NSD1: variants seen among roughly 807,000 people sequenced by gnomAD.
NSD1 encodes the protein histone-lysine N-methyltransferase, H3 lysine-36 specific.
In NSD1, 26 loss-of-function variants were observed where a neutral mutation model predicts 242.7. The observed-to-expected ratio is 0.11, with a 90% CI of 0.08 to 0.15. The LOEUF (loss-of-function observed/expected upper bound fraction) is 0.15. NSD1 is among the 10% of genes least tolerant of loss of function. NSD1 has a pLI of 1.00. For missense variants in NSD1, 2,495 were observed against 3,272.8 expected (o/e 0.76, Z 5.80); for synonymous variants, 1,106 against 1,178.1 (o/e 0.94, Z 1.25).
chr5:177,242,265 T>A (rs775676140), intron 8 of NSD1, among the ~76,000 whole-genome samples: 1 of 152,186 alleles, frequency 6.6e-6, no homozygotes, highest in African/African-American at 2.4e-5. Context: ...ATAAAATGAT[T>A]GCTATTTTAA....
intron 3 of NSD1, among the ~76,000 whole-genome samples, chr5:177,196,898 A>T (rs1762139030): frequency 6.6e-6 from 1 of 152,236 alleles, no homozygotes; most frequent in African/African-American, 2.4e-5. Flanking sequence ...GGATGCCTGA[A>T]ACTGGATAGT....
intron 3 of NSD1, among the ~76,000 whole-genome samples, chr5:177,203,484 A>G (rs1253613981): frequency 2.0e-5 from 3 of 152,174 alleles, no homozygotes; most frequent in South Asian, 4.1e-4. Flanking sequence ...TTCTTTGCAA[A>G]ACCAGTGTTT....
chr5:177,269,171 C>T lies in NSD1; in HGVS notation c.5304-431C>T, dbSNP rs1438797752. 6.6e-6 allele frequency among the ~76,000 whole-genome samples: 1 copy of T among 152,068 alleles called. No individual in the cohort carries two copies. The highest frequency in any genetic ancestry group is 2.4e-5 in the African/African-American group (1 of 41,382). ...TTGGTGCTGTTCTCCCATATTCCTA[C>T]TAATTATTGAAGGTTTCCTTTTTAA... is the stretch of plus-strand genomic sequence containing the variant. On this transcript the variant is annotated intron_variant, in intron 15 of 22. Transcript: ENST00000439151. This position sits in a 1 kb window ranked among gnomAD's most constrained non-coding sequence, Gnocchi z 5.1.
intron 2 of NSD1, among the ~76,000 whole-genome samples, chr5:177,158,997 T>A (rs1562132058): frequency 1.4e-4 from 9 of 63,298 alleles, no homozygotes; most frequent in African/African-American, 1.1e-3. Flanking sequence ...TATGAATGAT[T>A]TTATATATAT....
At chr5:177,252,825 G>A (rs570528880) in intron 12 of NSD1, among the ~76,000 whole-genome samples, 1 of 140,490 alleles carries the variant, frequency 7.1e-6, no homozygotes, top group South Asian at 2.2e-4. Context: ...TTAGCATGAT[G>A]TGTAGATGTT....
In NSD1 at chr5:177,207,213, G is replaced by C. The variant is rs144952847; in HGVS notation, c.1237-2423G>C. ...CCCCCCGACCTTGGCCTCTCAAAAT[G>C]CTAGGATTACAGGCGTGAGCCACTG... On this transcript the variant is annotated intron_variant, in intron 4 of 22. Coordinates refer to ENST00000439151, the MANE Select transcript of NSD1 (RefSeq NM_022455.5). 4.3e-3 allele frequency among the ~76,000 whole-genome samples: 646 copies of C among 151,732 alleles called. 3 individuals are homozygous for C. The highest frequency in any genetic ancestry group is 0.014 in the African/African-American group (591 of 41,394).
At chr5:177,192,656 A>G (rs1288265290) in intron 3 of NSD1, among the ~76,000 whole-genome samples, 1 of 152,146 alleles carries the variant, frequency 6.6e-6, no homozygotes, top group Admixed American at 6.6e-5. Flanking sequence ...TTGGCCTCCC[A>G]AAGTGCTGAG....
At chr5:177,178,825 C>CA (rs899546166) in intron 2 of NSD1, among the ~76,000 whole-genome samples, 33 of 151,554 alleles carry the variant, frequency 2.2e-4, no homozygotes, top group East Asian at 1.9e-4. Flanking sequence ...ATGAATAAGA[C>CA]AAAAAAAATG....
intron 11 of NSD1, 127 bp downstream of exon 11, chr5:177,248,451 T>C (rs777501906): frequency 1.4e-5 from 17 of 1,239,024 alleles, no homozygotes; most frequent in Non-Finnish European, 2.0e-5. Flanking sequence ...GTGGAGTCAC[T>C]TTCTTTAAGG....
intron 2 of NSD1, among the ~76,000 whole-genome samples, chr5:177,148,221 G>A (rs1444776756): frequency 1.3e-5 from 2 of 151,718 alleles, no homozygotes; most frequent in African/African-American, 2.4e-5. Context: ...GGGTTCAAGC[G>A]ATTGTCCTTT....
chr5:177,158,298 TTTC>T (rs1464461608), intron 2 of NSD1, among the ~76,000 whole-genome samples: 4 of 111,410 alleles, frequency 3.6e-5, no homozygotes, highest in African/African-American at 1.3e-4. Flanking sequence ...TCTTTCTTTC[TTTC>T]TTTTCTTTCT....
intron 8 of NSD1, among the ~76,000 whole-genome samples, chr5:177,241,837 T>C (rs976610358): frequency 1.3e-5 from 2 of 152,210 alleles, no homozygotes; most frequent in African/African-American, 4.8e-5. Flanking sequence ...AGTTCCATTT[T>C]AGTTTACCAG....
chr5:177,265,375 G>C lies in NSD1; in HGVS notation c.5147-2187G>C. Reference sequence around the variant, plus strand: ...GAATTTTTTTTGTTTCCCAGCTGAAGATTTATTGGCATAAATGCAGCCATC... The same window carrying C: ...GAATTTTTTTTGTTTCCCAGCTGAACATTTATTGGCATAAATGCAGCCATC... On this transcript the variant is annotated intron_variant, in intron 14 of 22. Transcript: ENST00000439151. 5.0e-6 allele frequency: 3 copies of C among 597,126 alleles called. No homozygotes were observed. The South Asian group carries it at 6.3e-5, about 12-fold the overall frequency. 37.0% of individuals were successfully genotyped at this position (597,126 alleles called of 1,614,324 possible).
Position 177,134,008 on chromosome 5 carries a change from GGGTGGCCGGGCGGGGAAGATGGT to G in NSD1, c.-18+65_-18+87del, listed in dbSNP as rs1304781513. On this transcript the variant is annotated intron_variant, in intron 1 of 22. Coordinates refer to ENST00000439151, the MANE Select transcript of NSD1 (RefSeq NM_022455.5). The surrounding 1 kb of genome is among the most constrained non-coding windows in gnomAD (Gnocchi z 4.2). ...AGGCGCGAGGAGAAGGGAGGGAGGA[GGGTGGCCGGGCGGGGAAGATGGT>G]GGTGGCCGTAAGGTGAGGGGCTCGG... The G allele has an allele frequency of 6.4e-6, 1 of 155,422 alleles. No individual in the cohort carries two copies. The highest frequency in any genetic ancestry group is 2.4e-5 in the African/African-American group (1 of 40,944). The allele number at this position is 155,422 out of a possible 1,614,324, so 9.6% of individuals were successfully genotyped here. A position where few individuals can be genotyped will look rare whatever the true frequency, so the allele number is the denominator to read the frequency against.
At chr5:177,163,290 G>T (rs1218982543) in intron 2 of NSD1, among the ~76,000 whole-genome samples, 1 of 151,924 alleles carries the variant, frequency 6.6e-6, no homozygotes, top group African/African-American at 2.4e-5. Context: ...CTACAGGCAC[G>T]CATCACCATG....
chr5:177,248,314 A>G lies in NSD1; in HGVS notation c.4631A>G (p.Asn1544Ser). The G allele has an allele frequency of 6.2e-7, 1 of 1,613,806 alleles. No homozygotes were observed. The highest frequency in any genetic ancestry group is 8.5e-7 in the Non-Finnish European group (1 of 1,179,848). The change falls in exon 11 of 23, where the codon AAT (asparagine) becomes AGT (serine). Residue 1544 changes from asparagine to serine, a missense_variant. By Grantham distance (46) the Asn-to-Ser change is conservative (BLOSUM62 1). Transcript: ENST00000439151. ...GGTGGAGGAGCTGCACTCAAGGAGAATGTCTGTCAGGTAGAGAAATGTTTG... is the reference window on the plus strand; with the variant it reads ...GGTGGAGGAGCTGCACTCAAGGAGAGTGTCTGTCAGGTAGAGAAATGTTTG... ...ERGGGAALKE[N>S]VCQNCEKLGE... is the part of the protein sequence containing the mutation.
chr5:177,266,989 C>T (rs980187754), intron 14 of NSD1, among the ~76,000 whole-genome samples: 3 of 152,124 alleles, frequency 2.0e-5, no homozygotes, highest in Non-Finnish European at 4.4e-5. Context: ...CTTAGCCTCC[C>T]GAGTAGCTGG....
At chr5:177,256,890 A>T in intron 12 of NSD1, 61 bp from the exon 13 acceptor site, 1 of 1,433,078 alleles carries the variant, frequency 7.0e-7, no homozygotes. Flanking sequence ...TTTTCACCTA[A>T]TGGTTTAGCA....
Position 177,210,593 on chromosome 5 carries a change from G to A in NSD1, c.2194G>A (p.Asp732Asn), listed in dbSNP as rs151111670. Residue 732 changes from aspartate (D) to asparagine (N), a missense_variant, in exon 5 of 23, where the codon GAT (aspartate) becomes AAT (asparagine). Physicochemically the swap from Asp to Asn is conservative, Grantham distance 23 (BLOSUM62 1). Coordinates refer to ENST00000439151, the MANE Select transcript of NSD1 (RefSeq NM_022455.5). ...CGAGACGTCTCAGGTTAATCTCTCT[G>A]ATCTGAAGGCATCTACTCTTGTTCA... Reference protein sequence around the residue: ...GTETSQVNLSDLKASTLVHKP... With the variant: ...GTETSQVNLSNLKASTLVHKP... The A allele has an allele frequency of 5.0e-6, 8 of 1,613,936 alleles. No homozygotes were observed. In the African/African-American group the frequency reaches 9.3e-5, roughly 19 times the overall value.
Sources: gnomAD v4.1 joint callset for allele counts (sites outside exome capture counted in the v4.1 genomes callset) on GRCh38, gnomAD v4.1.1 for gene constraint, Gnocchi (gnomAD v3.1) non-coding constraint, MANE v1.5 for transcripts, NCBI Gene and HGNC (gene_info 2026-07-23, HGNC 2026-07-21) for gene names.